SLC7A6: variants seen among roughly 807,000 people sequenced by gnomAD.
SLC7A6 encodes the protein solute carrier family 7 member 6.
SLC7A6 carries 29 observed loss-of-function variants against 46.6 expected under a neutral mutation model. That is an observed-to-expected ratio of 0.62 (90% CI 0.46 to 0.85). The LOEUF (loss-of-function observed/expected upper bound fraction) is 0.85, where lower values mean the gene tolerates loss of function less well. Among genes scored for constraint, SLC7A6 ranks in the 40% least tolerant of loss-of-function variants. SLC7A6 has a pLI of 0.00. For synonymous variants in SLC7A6, 276 were observed against 257.3 expected (o/e 1.07, Z -0.70); for missense variants, 527 against 647.6 (o/e 0.81, Z 2.02).
At position 68,290,501 on chromosome 16, in the gene SLC7A6, C is replaced by T; in HGVS notation, c.755C>T (p.Thr252Ile). 6.2e-7 allele frequency: 1 copy of T among 1,614,166 alleles called. No individual in the cohort carries two copies. Among genetic ancestry groups the T allele is most frequent in the South Asian group, 1.1e-5 (1 of 91,084 alleles). The change falls in exon 5 of 11, where the codon ACC (threonine) becomes ATC (isoleucine). Residue 252 changes from threonine to isoleucine, a missense_variant. Thr to Ile is a moderately conservative substitution (Grantham distance 89). Transcript: ENST00000219343. Reference sequence around the variant, plus strand: ...CTCTTCTCTTACTCAGGTTGGGACACCCTTAATTTTGTAACAGAAGAAATC... The same window carrying T: ...CTCTTCTCTTACTCAGGTTGGGACATCCTTAATTTTGTAACAGAAGAAATC... ...SALFSYSGWD[T>I]LNFVTEEIKN... is the part of the protein sequence containing the mutation.
rs75492531 is a variant in SLC7A6 at position 68,300,661 on chromosome 16, T to C, written c.*3333T>C. ...TTACTAAACACATGTATCACATTCA[T>C]ATATATTGTTTCTTGGCCCCACTGC... On this transcript the variant is annotated 3_prime_UTR_variant, in exon 11 of 11. Transcript: ENST00000219343. The C allele has an allele frequency of 2.0e-3, 1,996 of 985,462 alleles. 30 individuals are homozygous for C. The African/African-American group carries it at 0.031, about 15-fold the overall frequency. The allele number at this position is 985,462 out of a possible 1,614,324, so 61.0% of individuals were successfully genotyped here.
chr16:68,299,767 C>T lies in SLC7A6; in HGVS notation c.*2439C>T, dbSNP rs1254764955. 1 of 152,180 alleles carries T rather than the reference C, an allele frequency of 6.6e-6. No individual in the cohort carries two copies. The highest frequency in any genetic ancestry group is 1.5e-5 in the Non-Finnish European group (1 of 68,040). 9.4% of individuals were successfully genotyped at this position (152,180 alleles called of 1,614,324 possible). On this transcript the variant is annotated 3_prime_UTR_variant, in exon 11 of 11. Transcript: ENST00000219343. ...AGAAAGCAAGATGTCTAATATTAGACATACAAGTTGCTGCCTGTTATAACG... is the reference window on the plus strand; with the variant it reads ...AGAAAGCAAGATGTCTAATATTAGATATACAAGTTGCTGCCTGTTATAACG...
intron 3 of SLC7A6, among the ~76,000 whole-genome samples, chr16:68,285,036 CCT>C (rs531172953): frequency 8.6e-5 from 13 of 151,928 alleles, no homozygotes; most frequent in Admixed American, 2.6e-4. Flanking sequence ...GCCCCGGCCC[CCT>C]GTCTGTCTTT....
rs1238094212 is a variant in SLC7A6, at chr16:68,301,787, T to C, written c.*4459T>C. On this transcript the variant is annotated 3_prime_UTR_variant, in exon 11 of 11. Coordinates refer to ENST00000219343, the MANE Select transcript of SLC7A6 (RefSeq NM_003983.6). Reference sequence around the variant, plus strand: ...TGCAATTGTTTGATTCATTTCTCTGTTATCAGACACCAATAAATTCTTTTT... The same window carrying C: ...TGCAATTGTTTGATTCATTTCTCTGCTATCAGACACCAATAAATTCTTTTT... 6.1e-5 allele frequency: 10 copies of C among 163,034 alleles called. No homozygotes were observed. The highest frequency in any genetic ancestry group is 5.6e-4 in the Admixed American group (9 of 16,098). 10.1% of individuals were successfully genotyped at this position (163,034 alleles called of 1,614,324 possible).
rs1179895331 is a variant in SLC7A6 at position 68,287,769 on chromosome 16, G to A, written c.547G>A (p.Ala183Thr). The change falls in exon 4 of 11, where the codon GCC (alanine) becomes ACC (threonine). Residue 183 changes from alanine (A) to threonine (T), a missense_variant. Physicochemically the swap from Ala to Thr is moderately conservative, Grantham distance 58. Transcript: ENST00000219343. ...CICLLTFVNC[A>T]YVKWGTRVQD... ...AGGTCTGCTGACATTTGTGAACTGT[G>A]CCTATGTCAAGTGGGGCACACGTGT... is the stretch of plus-strand genomic sequence containing the variant. 6.2e-7 allele frequency: 1 copy of A among 1,614,116 alleles called. No homozygotes were observed. The highest frequency in any genetic ancestry group is 1.1e-5 in the South Asian group (1 of 91,086).
chr16:68,290,371 C>T, intron 4 of SLC7A6, 25 bp from the exon 5 acceptor site: 1 of 1,613,522 alleles, frequency 6.2e-7, no homozygotes, highest in Non-Finnish European at 8.5e-7. Flanking sequence ...CTCTCTGAAC[C>T]CCTCACCTGC....
intron 3 of SLC7A6, among the ~76,000 whole-genome samples, chr16:68,276,421 CATTGGCAGTATATG>C (rs1273650806): frequency 6.6e-6 from 1 of 152,186 alleles, no homozygotes; most frequent in African/African-American, 2.4e-5. Flanking sequence ...CTTGCAAAAG[CATTGGCAGTATATG>C]CAGTTTATCC....
At position 68,301,268 on chromosome 16, in the gene SLC7A6, A is replaced by G. The variant is rs2043268325; in HGVS notation, c.*3940A>G. 8 of 1,613,870 alleles carry G rather than the reference A, an allele frequency of 5.0e-6. No individual in the cohort carries two copies. The highest frequency in any genetic ancestry group is 5.9e-6 in the Non-Finnish European group (7 of 1,179,830). ...TGTGGCAGAACCTCATGGACATCAC[A>G]AGACCATCAGTCTGAATCCAGGTCG... On this transcript the variant is annotated 3_prime_UTR_variant, in exon 11 of 11. Coordinates refer to ENST00000219343, the MANE Select transcript of SLC7A6 (RefSeq NM_003983.6).
In SLC7A6 at chr16:68,300,655, C is replaced by T; in HGVS notation, c.*3327C>T. 1.0e-6 allele frequency: 1 copy of T among 985,444 alleles called. No individual in the cohort carries two copies. Among genetic ancestry groups the T allele is most frequent in the Non-Finnish European group, 1.2e-6 (1 of 829,932 alleles). The allele number at this position is 985,444 out of a possible 1,614,324, so 61.0% of individuals were successfully genotyped here. On this transcript the variant is annotated 3_prime_UTR_variant, in exon 11 of 11. Coordinates refer to ENST00000219343, the MANE Select transcript of SLC7A6 (RefSeq NM_003983.6). ...TAGATTTTACTAAACACATGTATCACATTCATATATATTGTTTCTTGGCCC... is the reference window on the plus strand; with the variant it reads ...TAGATTTTACTAAACACATGTATCATATTCATATATATTGTTTCTTGGCCC...
intron 8 of SLC7A6, 83 bp from the exon 9 acceptor site, chr16:68,296,281 T>C: frequency 1.3e-6 from 2 of 1,502,658 alleles, no homozygotes; most frequent in Non-Finnish European, 1.8e-6. Context: ...GCATCAGATC[T>C]AGTACTGACT....
intron 2 of SLC7A6, among the ~76,000 whole-genome samples, chr16:68,271,887 C>T (rs989887093): frequency 8.6e-5 from 13 of 151,950 alleles, no homozygotes; most frequent in Non-Finnish European, 1.3e-4. Context: ...CTGCAACCTC[C>T]GCCTCCCAGG....
At chr16:68,293,473 T>C (rs914735271) in intron 7 of SLC7A6, among the ~76,000 whole-genome samples, 4 of 152,150 alleles carry the variant, frequency 2.6e-5, no homozygotes, top group Admixed American at 2.6e-4. Flanking sequence ...CTAGTTGTGA[T>C]AGATGGACTT....
intron 3 of SLC7A6, chr16:68,287,348 T>TA: frequency 7.7e-7 from 1 of 1,290,874 alleles, no homozygotes; most frequent in Non-Finnish European, 1.0e-6. Flanking sequence ...CATTCAAATT[T>TA]ACCTCACTTA....
At chr16:68,271,774 G>C (rs1355040216) in intron 2 of SLC7A6, among the ~76,000 whole-genome samples, 1 of 152,138 alleles carries the variant, frequency 6.6e-6, no homozygotes, top group Non-Finnish European at 1.5e-5. Context: ...CTTTTGCCAA[G>C]GACAGGCTCT....
chr16:68,265,746 G>A (rs775971376), intron 1 of SLC7A6: 1 of 152,074 alleles, frequency 6.6e-6, no homozygotes, highest in Admixed American at 6.5e-5. Flanking sequence ...TATTCAAGTC[G>A]TTACACTGGA....
At chr16:68,293,771 G>A (rs914786012) in intron 7 of SLC7A6, among the ~76,000 whole-genome samples, 1 of 152,206 alleles carries the variant, frequency 6.6e-6, no homozygotes, top group African/African-American at 2.4e-5. Context: ...ACTTGCTTCT[G>A]GAAACTCTTC....
chr16:68,284,950 T>C (rs2042900817), intron 3 of SLC7A6, among the ~76,000 whole-genome samples: 1 of 148,146 alleles, frequency 6.8e-6, no homozygotes, highest in African/African-American at 2.5e-5. Context: ...CAGTGCACTA[T>C]AGGCCCGGAC....
rs1259527003 is a variant in SLC7A6 at position 68,291,646 on chromosome 16, T to C, written c.1007T>C (p.Ile336Thr). Reference protein sequence around the residue: ...LSCFGGLNASIFASSRLFFVG... With the variant: ...LSCFGGLNASTFASSRLFFVG... ...TGCTTTGGGGGCCTCAATGCATCCA[T>C]CTTTGCTTCATCAAGGTACTGTGTC... Residue 336 changes from isoleucine (I) to threonine (T), a missense_variant, in exon 7 of 11, where the codon ATC (isoleucine) becomes ACC (threonine). Ile to Thr is a moderately conservative substitution (Grantham distance 89). Coordinates refer to ENST00000219343, the MANE Select transcript of SLC7A6 (RefSeq NM_003983.6). 10 of 1,614,056 alleles carry C rather than the reference T, an allele frequency of 6.2e-6. No individual in the cohort carries two copies. The highest frequency in any genetic ancestry group is 8.5e-6 in the Non-Finnish European group (10 of 1,179,912).
At chr16:68,294,897 C>T (rs919229320) in intron 8 of SLC7A6, 96 bp downstream of exon 8, 5 of 777,344 alleles carry the variant, frequency 6.4e-6, no homozygotes, top group Admixed American at 2.1e-5. Flanking sequence ...CTGAGAAAGG[C>T]CTTACTCTAA....
Sources: gnomAD v4.1 joint callset for allele counts (sites outside exome capture counted in the v4.1 genomes callset) on GRCh38, gnomAD v4.1.1 for gene constraint, MANE v1.5 for transcripts, NCBI Gene and HGNC (gene_info 2026-07-23, HGNC 2026-07-21) for gene names.